NEK10: variants seen among roughly 807,000 people sequenced by gnomAD.
The protein encoded by NEK10 is NIMA related kinase 10, also known as serine/threonine-protein kinase Nek10.
Under a neutral mutation model 159.8 loss-of-function variants are expected in NEK10, and 122 were observed. The ratio of observed to expected loss-of-function variants is 0.76; its 90% CI spans 0.66 to 0.89. The LOEUF (loss-of-function observed/expected upper bound fraction) is 0.89, where lower values mean the gene tolerates loss of function less well. NEK10 is among the 40% of genes least tolerant of loss of function. NEK10 has a pLI of 0.00. For synonymous variants in NEK10, 466 were observed against 457.1 expected, an observed-to-expected ratio of 1.02 and a Z score of -0.25; for missense variants, 1,342 against 1,323.1, an observed-to-expected ratio of 1.01 and a Z score of -0.22.
intron 22 of NEK10, among the ~76,000 whole-genome samples, chr3:27,275,344 A>G (rs1193647185): frequency 6.6e-6 from 1 of 152,222 alleles, no homozygotes; most frequent in East Asian, 1.9e-4. Context: ...TTTCCTTTTT[A>G]TGTTATGAGA....
chr3:27,278,981 T>C (rs1414582038), intron 22 of NEK10: 1 of 928,290 alleles, frequency 1.1e-6, no homozygotes, highest in South Asian at 5.0e-5. Flanking sequence ...GACCTGAACA[T>C]GTGTCATGGC....
At chr3:27,247,152 A>G (rs1217447986) in intron 23 of NEK10, among the ~76,000 whole-genome samples, 4 of 152,176 alleles carry the variant, frequency 2.6e-5, no homozygotes, top group South Asian at 2.1e-4. Context: ...TAGGGCTTCC[A>G]GTACTATTTT....
At chr3:27,180,438 G>A (rs925890479) in intron 26 of NEK10, among the ~76,000 whole-genome samples, 2 of 133,522 alleles carry the variant, frequency 1.5e-5, no homozygotes, top group African/African-American at 5.4e-5. Flanking sequence ...GAGGGGAGGG[G>A]AAGGGAGGGG....
At chr3:27,138,960 A>G (rs1943505313) in intron 31 of NEK10, among the ~76,000 whole-genome samples, 1 of 152,224 alleles carries the variant, frequency 6.6e-6, no homozygotes, top group Non-Finnish European at 1.5e-5. Context: ...ACTTACAGAA[A>G]GAAAATGACA....
At chr3:27,251,250 C>A (rs560852968) in intron 23 of NEK10, among the ~76,000 whole-genome samples, 16 of 152,298 alleles carry the variant, frequency 1.1e-4, no homozygotes, top group African/African-American at 3.9e-4. Flanking sequence ...TGATAATGCC[C>A]TGTCTCTGTC....
At chr3:27,159,168 AG>A (rs1184207957) in intron 30 of NEK10, among the ~76,000 whole-genome samples, 1 of 152,180 alleles carries the variant, frequency 6.6e-6, no homozygotes, top group Non-Finnish European at 1.5e-5. Context: ...TCAAGGATTA[AG>A]TTTCAGTATC....
chr3:27,282,389 A>AC (rs1433849100), intron 22 of NEK10, among the ~76,000 whole-genome samples: 5 of 151,858 alleles, frequency 3.3e-5, no homozygotes, highest in African/African-American at 1.2e-4. Flanking sequence ...TAAGCTTAGT[A>AC]CATTTAAATG....
chr3:27,254,942 C>CACAT (rs902406430), intron 23 of NEK10, among the ~76,000 whole-genome samples: 86 of 152,036 alleles, frequency 5.7e-4, no homozygotes, highest in South Asian at 8.3e-4. Context: ...CACACACACA[C>CACAT]ACACACACAC....
intron 5 of NEK10, among the ~76,000 whole-genome samples, chr3:27,333,391 C>T (rs1471847866): frequency 2.0e-5 from 3 of 151,838 alleles, no homozygotes; most frequent in African/African-American, 7.3e-5. Context: ...ACTAAAAATA[C>T]AAAAATTAGC....
Position 27,226,358 on chromosome 3 carries a change from AAAAGAAAG to A in NEK10, c.2091-23809_2091-23802del, listed in dbSNP as rs1173681594. Among the ~76,000 whole-genome samples, 6 of 151,946 alleles carry A rather than the reference AAAAGAAAG, an allele frequency of 3.9e-5. No homozygotes were observed. In the East Asian group the frequency reaches 1.2e-3, roughly 29 times the overall value. On this transcript the variant is annotated intron_variant, in intron 23 of 35. Transcript: ENST00000691995. ...CCGTGCCTGGCCACAGTTTTTAAAA[AAAAGAAAG>A]AAAGAAAGAAAGACTGAAAGAGAAA...
chr3:27,298,865 A>C (rs1440622422), intron 13 of NEK10, among the ~76,000 whole-genome samples: 1 of 152,198 alleles, frequency 6.6e-6, no homozygotes, highest in African/African-American at 2.4e-5. Flanking sequence ...GAAATGATTT[A>C]GGGTACCTGG....
intron 23 of NEK10, among the ~76,000 whole-genome samples, chr3:27,247,963 A>G (rs571578389): frequency 6.6e-6 from 1 of 151,726 alleles, no homozygotes; most frequent in Admixed American, 6.6e-5. Flanking sequence ...TTATTCTTTA[A>G]ACATCTGGTA....
chr3:27,274,020 C>G (rs1166387120), intron 22 of NEK10, among the ~76,000 whole-genome samples: 1 of 152,170 alleles, frequency 6.6e-6, no homozygotes, highest in African/African-American at 2.4e-5. Context: ...AGTCCAACTA[C>G]TATTAATATT....
chr3:27,111,628 G>A (rs1054719908), intron 35 of NEK10, among the ~76,000 whole-genome samples: 1 of 152,032 alleles, frequency 6.6e-6, no homozygotes, highest in African/African-American at 2.4e-5. Flanking sequence ...TAATTTACAC[G>A]CTTATCAGTC....
chr3:27,140,280 C>A (rs1044576068), intron 31 of NEK10, among the ~76,000 whole-genome samples: 1 of 152,154 alleles, frequency 6.6e-6, no homozygotes, highest in African/African-American at 2.4e-5. Flanking sequence ...AGATGCAAGT[C>A]AATTCAAAGA....
At chr3:27,310,925 T>C (rs765268543) in intron 9 of NEK10, 24 bp downstream of exon 9, 2 of 1,487,660 alleles carry the variant, frequency 1.3e-6, no homozygotes, top group Non-Finnish European at 1.9e-6. Context: ...AGCTGAAGCA[T>C]TAACTCTTTC....
At chr3:27,252,137 C>T (rs764394174) in intron 23 of NEK10, 31 of 388,300 alleles carry the variant, frequency 8.0e-5, no homozygotes, top group African/African-American at 1.8e-4. Context: ...ACAAAGGAGA[C>T]GCAAGTCCTA....
At chr3:27,216,030 T>C (rs1951493566) in intron 23 of NEK10, 3 of 469,966 alleles carry the variant, frequency 6.4e-6, no homozygotes, top group Non-Finnish European at 1.1e-5. Flanking sequence ...GGGACAAAGA[T>C]CCAAACCATA....
intron 29 of NEK10, among the ~76,000 whole-genome samples, chr3:27,166,992 T>C (rs1169207134): frequency 6.6e-6 from 1 of 151,980 alleles, no homozygotes; most frequent in Non-Finnish European, 1.5e-5. Context: ...AGGAGCACAC[T>C]GCCAAATACA....
Sources: allele counts gnomAD v4.1 joint callset (sites outside exome capture counted in the v4.1 genomes callset), GRCh38; gene constraint gnomAD v4.1.1; transcripts MANE v1.5; gene names NCBI Gene and HGNC (gene_info 2026-07-23, HGNC 2026-07-21).